Variants in DHRSX observed in about 807,000 individuals in gnomAD.
DHRSX encodes polyprenol dehydrogenase.
Under a neutral mutation model 34.0 loss-of-function variants are expected in DHRSX, and 31 were observed. That is an observed-to-expected ratio of 0.91 (90% CI 0.69 to 1.23). The LOEUF (loss-of-function observed/expected upper bound fraction) is 1.23, where lower values mean the gene tolerates loss of function less well. Among genes scored for constraint, DHRSX ranks in the 50% most tolerant of loss-of-function variants. The pLI is 0.00. For missense variants in DHRSX, 414 were observed against 428.1 expected, an observed-to-expected ratio of 0.97 and a Z score of 0.29; for synonymous variants, 201 against 183.8, an observed-to-expected ratio of 1.09 and a Z score of -0.76.
At chrX:2,442,172 T>TA (rs1368148191) in intron 1 of DHRSX, among the ~76,000 whole-genome samples, 6 of 152,200 alleles carry the variant, frequency 3.9e-5, no homozygotes, top group African/African-American at 7.2e-5. Context: ...AAAATGCTAT[T>TA]AAGAAAATCT....
intron 6 of DHRSX, among the ~76,000 whole-genome samples, chrX:2,226,872 T>C (rs1236510930): frequency 6.6e-6 from 1 of 151,814 alleles, no homozygotes; most frequent in Non-Finnish European, 1.5e-5. Context: ...ACAGAGAATG[T>C]GACAGGTAGG....
At chrX:2,243,270 G>A (rs776830960) in intron 5 of DHRSX, 40 bp from the exon 6 acceptor site, 8 of 1,573,306 alleles carry the variant, frequency 5.1e-6, no homozygotes, top group South Asian at 3.3e-5. Flanking sequence ...GGCTGACGGC[G>A]TTCACGCCTA....
At chrX:2,427,620 A>T (rs1008638752) in intron 1 of DHRSX, among the ~76,000 whole-genome samples, 159 of 152,202 alleles carry the variant, frequency 1.0e-3, no homozygotes, top group Non-Finnish European at 2.1e-3. Flanking sequence ...AAGGACAGAG[A>T]GGGGGACATG....
At chrX:2,427,932 G>A (rs2043869681) in intron 1 of DHRSX, among the ~76,000 whole-genome samples, 1 of 152,054 alleles carries the variant, frequency 6.6e-6, no homozygotes, top group African/African-American at 2.4e-5. Context: ...GCCATGAAAA[G>A]GAATGATGTT....
intron 5 of DHRSX, among the ~76,000 whole-genome samples, chrX:2,246,749 A>AAAGAAAGG (rs2016306034): frequency 2.2e-5 from 1 of 45,474 alleles, no homozygotes; most frequent in African/African-American, 5.0e-5. Context: ...AGAAAGAAAG[A>AAAGAAAGG]AAAAGAAAGA....
intron 1 of DHRSX, among the ~76,000 whole-genome samples, chrX:2,476,409 A>AG (rs1348705526): frequency 6.6e-6 from 1 of 151,882 alleles, no homozygotes; most frequent in South Asian, 2.1e-4. Context: ...AAAAAAAAAA[A>AG]AAAGAAAGAA....
intron 3 of DHRSX, among the ~76,000 whole-genome samples, chrX:2,406,603 G>A (rs1433193720): frequency 6.6e-6 from 1 of 151,754 alleles, no homozygotes; most frequent in Non-Finnish European, 1.5e-5. Flanking sequence ...ACCACGCTCG[G>A]CTAATTTTTG....
At chrX:2,426,395 C>T (rs1322253295) in intron 1 of DHRSX, among the ~76,000 whole-genome samples, 1 of 149,760 alleles carries the variant, frequency 6.7e-6, no homozygotes, top group African/African-American at 2.5e-5. Context: ...TTCCTCCTTC[C>T]TTCTCTTTTT....
intron 1 of DHRSX, among the ~76,000 whole-genome samples, chrX:2,467,272 C>T (rs1229845635): frequency 4.6e-5 from 7 of 152,008 alleles, no homozygotes; most frequent in African/African-American, 1.7e-4. Flanking sequence ...TCCACAAATC[C>T]CCGAGACCTA....
At chrX:2,253,955 G>A (rs946842896) in intron 5 of DHRSX, among the ~76,000 whole-genome samples, 2 of 152,076 alleles carry the variant, frequency 1.3e-5, no homozygotes, top group Admixed American at 6.6e-5. Flanking sequence ...CAGCTACTCG[G>A]GAGGTTGAGG....
chrX:2,460,921 T>C (rs1347770870), intron 1 of DHRSX, among the ~76,000 whole-genome samples: 11 of 151,970 alleles, frequency 7.2e-5, no homozygotes, highest in Non-Finnish European at 1.2e-4. Context: ...GATCTCGCTG[T>C]TTGCCCAGGC....
At chrX:2,430,076 A>G (rs192258314) in intron 1 of DHRSX, among the ~76,000 whole-genome samples, 24 of 152,016 alleles carry the variant, frequency 1.6e-4, no homozygotes, top group East Asian at 3.9e-4. Flanking sequence ...TGCAAAACCT[A>G]TATCAGGAAA....
At chrX:2,371,567 T>A (rs868563522) in intron 3 of DHRSX, among the ~76,000 whole-genome samples, 1 of 130,604 alleles carries the variant, frequency 7.7e-6, no homozygotes, top group Non-Finnish European at 1.8e-5. Context: ...AGTCCCTCCT[T>A]CCATTACCAT....
chrX:2,234,895 G>A (rs1182201230), intron 6 of DHRSX, among the ~76,000 whole-genome samples: 1 of 152,104 alleles, frequency 6.6e-6, no homozygotes. Context: ...ATTTTTAGTA[G>A]AGACGGGGTT....
chrX:2,284,436 G>T (rs941289152), intron 4 of DHRSX, among the ~76,000 whole-genome samples: 24 of 150,836 alleles, frequency 1.6e-4, no homozygotes, highest in African/African-American at 5.6e-4. Context: ...GAATGAATGG[G>T]TGAATGAAGA....
intron 6 of DHRSX, among the ~76,000 whole-genome samples, chrX:2,225,919 A>G (rs1433133499): frequency 6.6e-6 from 1 of 151,930 alleles, no homozygotes; most frequent in Non-Finnish European, 1.5e-5. Context: ...GAGACAGCTC[A>G]TAAGAAGAGG....
chrX:2,237,158 C>T (rs762627591), intron 6 of DHRSX, among the ~76,000 whole-genome samples: 1 of 152,132 alleles, frequency 6.6e-6, no homozygotes, highest in East Asian at 1.9e-4. Flanking sequence ...TGCACTCCAG[C>T]CTGGGCAACA....
At chrX:2,428,614 C>A (rs895934268) in intron 1 of DHRSX, among the ~76,000 whole-genome samples, 4 of 152,102 alleles carry the variant, frequency 2.6e-5, no homozygotes, top group Admixed American at 2.6e-4. Context: ...ACACCAGGGC[C>A]TGTCAGGAGG....
At chrX:2,359,271 A>T (rs1019680285) in intron 3 of DHRSX, among the ~76,000 whole-genome samples, 1 of 152,208 alleles carries the variant, frequency 6.6e-6, no homozygotes, top group African/African-American at 2.4e-5. Flanking sequence ...AAGGAACATC[A>T]ATCATTCTGT....
Sources: allele counts gnomAD v4.1 joint callset (sites outside exome capture counted in the v4.1 genomes callset), GRCh38; gene constraint gnomAD v4.1.1; transcripts MANE v1.5; gene names NCBI Gene and HGNC (gene_info 2026-07-23, HGNC 2026-07-21).